The following CTDSPL variants were observed in gnomAD, a reference collection of about 807,000 sequenced individuals.
The protein encoded by CTDSPL is CTD small phosphatase like.
In CTDSPL, 8 loss-of-function variants were observed where a neutral mutation model predicts 30.5. That is an observed-to-expected ratio of 0.26 (90% confidence interval 0.15 to 0.47). The LOEUF (loss-of-function observed/expected upper bound fraction) is 0.47. CTDSPL is among the 20% of genes least tolerant of loss of function. The pLI is 0.99. For missense variants in CTDSPL, 248 were observed against 366.1 expected (o/e 0.68, Z 2.63); for synonymous variants, 110 against 137.9 (o/e 0.80, Z 1.42).
At chr3:37,914,017 G>A (rs532935161) in intron 1 of CTDSPL, among the ~76,000 whole-genome samples, 27 of 152,192 alleles carry the variant, frequency 1.8e-4, no homozygotes, top group Admixed American at 7.2e-4. Flanking sequence ...ATCTGTAGGC[G>A]AGTTTGGCAG....
At chr3:37,866,346 C>A (rs912600300) in intron 1 of CTDSPL, among the ~76,000 whole-genome samples, 2 of 152,050 alleles carry the variant, frequency 1.3e-5, no homozygotes, top group Non-Finnish European at 2.9e-5. Context: ...ATACACACAA[C>A]TGTATATTTG....
At chr3:37,927,808 G>T (rs1267349712) in intron 1 of CTDSPL, among the ~76,000 whole-genome samples, 1 of 150,904 alleles carries the variant, frequency 6.6e-6, no homozygotes, top group Non-Finnish European at 1.5e-5. Flanking sequence ...TTATTTCATT[G>T]ACTGAAACTC....
At chr3:37,927,213 C>T (rs1169267158) in intron 1 of CTDSPL, among the ~76,000 whole-genome samples, 1 of 152,094 alleles carries the variant, frequency 6.6e-6, no homozygotes, top group Non-Finnish European at 1.5e-5. Context: ...ATAGATATTT[C>T]TCCAAAGACA....
intron 1 of CTDSPL, among the ~76,000 whole-genome samples, chr3:37,886,679 A>G (rs1698266794): frequency 6.6e-6 from 1 of 152,232 alleles, no homozygotes; most frequent in Non-Finnish European, 1.5e-5. Flanking sequence ...ATTCTCAGAC[A>G]TGAATGCTAC....
chr3:37,884,300 G>T (rs559484470), intron 1 of CTDSPL, among the ~76,000 whole-genome samples: 1 of 152,218 alleles, frequency 6.6e-6, no homozygotes, highest in Non-Finnish European at 1.5e-5. Flanking sequence ...AAAGCAGGTT[G>T]CAGAAGAGCA....
intron 1 of CTDSPL, among the ~76,000 whole-genome samples, chr3:37,918,490 G>C (rs1698675062): frequency 6.6e-6 from 1 of 152,054 alleles, no homozygotes; most frequent in Non-Finnish European, 1.5e-5. Context: ...CTATAAATGT[G>C]GTCTGCCTCT....
chr3:37,891,586 C>T (rs571508439), intron 1 of CTDSPL, among the ~76,000 whole-genome samples: 1 of 152,318 alleles, frequency 6.6e-6, no homozygotes, highest in South Asian at 2.1e-4. Context: ...GGGAAGGACC[C>T]ATTTGCACTT....
At chr3:37,957,234 A>G (rs1699185067) in intron 3 of CTDSPL, 91 bp downstream of exon 3, 3 of 829,462 alleles carry the variant, frequency 3.6e-6, no homozygotes, top group Non-Finnish European at 5.7e-6. Flanking sequence ...TTTTAATGTT[A>G]TTGCTTATGG....
At chr3:37,950,429 A>ATTAT (rs1454285668) in intron 2 of CTDSPL, among the ~76,000 whole-genome samples, 2 of 152,278 alleles carry the variant, frequency 1.3e-5, no homozygotes, top group Non-Finnish European at 2.9e-5. Flanking sequence ...ATGAAGTATA[A>ATTAT]GTACAAAAGT....
intron 2 of CTDSPL, among the ~76,000 whole-genome samples, chr3:37,956,220 G>A (rs1699171148): frequency 6.6e-6 from 1 of 152,196 alleles, no homozygotes; most frequent in Non-Finnish European, 1.5e-5. Context: ...AAGGTGCCAG[G>A]CAGCTGCCAT....
At chr3:37,889,853 T>C (rs1438126569) in intron 1 of CTDSPL, among the ~76,000 whole-genome samples, 1 of 152,126 alleles carries the variant, frequency 6.6e-6, no homozygotes, top group Non-Finnish European at 1.5e-5. Context: ...GTCAGTAAAA[T>C]TTGGAGGGTA....
chr3:37,918,158 C>T (rs1698671462), intron 1 of CTDSPL, among the ~76,000 whole-genome samples: 1 of 152,162 alleles, frequency 6.6e-6, no homozygotes, highest in African/African-American at 2.4e-5. Flanking sequence ...AGATAACACA[C>T]CTCAGGACCT....
intron 2 of CTDSPL, among the ~76,000 whole-genome samples, 173 bp from the exon 3 acceptor site, chr3:37,956,938 C>T (rs1220287810): frequency 1.3e-5 from 2 of 152,154 alleles, no homozygotes; most frequent in East Asian, 1.9e-4. Flanking sequence ...CAGAAGGAGC[C>T]TCATGCCTTA....
chr3:37,960,525 TATATATATATACACAC>T (rs1216613274), intron 3 of CTDSPL, among the ~76,000 whole-genome samples: 22 of 65,090 alleles, frequency 3.4e-4, no homozygotes, highest in African/African-American at 1.4e-3. Flanking sequence ...TATATATATA[TATATATATATACACAC>T]ACACACACAC....
At chr3:37,899,857 AT>A in intron 1 of CTDSPL, among the ~76,000 whole-genome samples, 1 of 152,332 alleles carries the variant, frequency 6.6e-6, no homozygotes, top group Non-Finnish European at 1.5e-5. Flanking sequence ...TTATCTCTAA[AT>A]AACCTTAGAT....
chr3:37,884,773 T>C (rs1575281384), intron 1 of CTDSPL, among the ~76,000 whole-genome samples: 1 of 151,904 alleles, frequency 6.6e-6, no homozygotes, highest in Non-Finnish European at 1.5e-5. Context: ...TATGGAGAAG[T>C]TCAGAGCTGG....
chr3:37,893,333 C>T (rs1400094950), intron 1 of CTDSPL, among the ~76,000 whole-genome samples: 1 of 152,166 alleles, frequency 6.6e-6, no homozygotes, highest in Non-Finnish European at 1.5e-5. Context: ...TTTCTTTGAA[C>T]AAAAATTAAC....
Position 37,975,834 on chromosome 3 carries a change from G to A in CTDSPL, c.645G>A (p.Leu215=). 1 of 1,614,182 alleles carries A rather than the reference G, an allele frequency of 6.2e-7. No individual in the cohort carries two copies. ...VKDLSRLGRE[L]SKVIIVDNSP... is the part of the protein sequence containing the mutation. ...ACCTGAGTCGCCTTGGGCGGGAGCT[G>A]AGCAAAGTGATCATTGTTGACAATT... The change falls in exon 7 of 8, where the codon CTG becomes CTA. Residue 215 remains leucine, a synonymous_variant. Coordinates refer to ENST00000273179, the MANE Select transcript of CTDSPL (RefSeq NM_001008392.2). The surrounding 1 kb of genome is among the most constrained non-coding windows in gnomAD (Gnocchi z 4.9).
chr3:37,971,576 C>A, intron 6 of CTDSPL, 77 bp downstream of exon 6: 1 of 1,361,014 alleles, frequency 7.3e-7, no homozygotes, highest in Non-Finnish European at 1.0e-6. Context: ...ATCTGTCAAG[C>A]AGCCCTTTGT....
Sources: allele counts gnomAD v4.1 joint callset (sites outside exome capture counted in the v4.1 genomes callset), GRCh38; gene constraint gnomAD v4.1.1; non-coding constraint Gnocchi (gnomAD v3.1); transcripts MANE v1.5; gene names NCBI Gene and HGNC (gene_info 2026-07-23, HGNC 2026-07-21).